ZC4H2: variants seen among roughly 807,000 people sequenced by gnomAD.
The protein encoded by ZC4H2 is zinc finger C4H2 domain-containing protein.
For synonymous variants in ZC4H2, 84 were observed against 66.3 expected (o/e 1.27, Z -1.30); for missense variants, 137 against 173.9 (o/e 0.79, Z 1.19).
chrX:64,966,966 C>T (rs764025315), intron 1 of ZC4H2, among the ~76,000 whole-genome samples: 1 of 111,159 alleles, frequency 9.0e-6, no homozygotes, highest in East Asian at 2.8e-4. Context: ...TCAAATTATC[C>T]TGTAATGACC....
chrX:64,949,294 G>C (rs1233244106), intron 1 of ZC4H2, among the ~76,000 whole-genome samples: 2 of 112,114 alleles, frequency 1.8e-5, no homozygotes, highest in East Asian at 5.6e-4. Context: ...ACAAGAGACA[G>C]ACTGTTTGGA....
At chrX:64,977,033 A>G (rs1233188971), upstream of ZC4H2, among the ~76,000 whole-genome samples, 1 of 111,343 alleles carries the variant, frequency 9.0e-6, no homozygotes, top group African/African-American at 3.3e-5. Flanking sequence ...TCAACAAACA[A>G]TTACTTAAGC....
rs186616862 is a variant in ZC4H2 at position 64,961,561 on chromosome X, G to A, written c.53+14764C>T. ...TATTAACCATGTGATTTATTGGTCAGTTTTGAAGGAAATAATGAAGAGAGA... is the reference window on the plus strand; with the variant it reads ...TATTAACCATGTGATTTATTGGTCAATTTTGAAGGAAATAATGAAGAGAGA... On this transcript the variant is annotated intron_variant, in intron 1 of 4. Transcript: ENST00000374839. Among the ~76,000 whole-genome samples, 803 of 111,087 alleles carry A rather than the reference G, an allele frequency of 7.2e-3. 7 individuals are homozygous for A. The highest frequency in any genetic ancestry group is 0.024 in the African/African-American group (750 of 30,763).
chrX:64,998,370 T>C (rs940837395), intron 1 of ZC4H2, among the ~76,000 whole-genome samples: 8 of 111,875 alleles, frequency 7.2e-5, no homozygotes, highest in African/African-American at 2.6e-4. Flanking sequence ...GTGGCTATAC[T>C]AATGTCAGAC....
At position 64,999,894 on chromosome X, in the gene ZC4H2, C is replaced by T. The variant is rs1249784649; in HGVS notation, c.-272+34735G>A. Among the ~76,000 whole-genome samples the T allele has an allele frequency of 3.6e-5, 4 of 112,338 alleles. No individual in the cohort carries two copies. In the South Asian group the frequency reaches 1.5e-3, roughly 42 times the overall value. On this transcript the variant is annotated intron_variant, in intron 1 of 4. Coordinates refer to the ZC4H2 transcript ENST00000337990. Reference sequence around the variant, plus strand: ...CGTAGCAAGACTGCCCCTCTAGATTCCTCCTCTCTGGGCAGGGCATTTCAG... The same window carrying T: ...CGTAGCAAGACTGCCCCTCTAGATTTCTCCTCTCTGGGCAGGGCATTTCAG...
chrX:64,941,866 T>C (rs1411588303), intron 1 of ZC4H2, among the ~76,000 whole-genome samples: 2 of 112,291 alleles, frequency 1.8e-5, no homozygotes, highest in East Asian at 5.6e-4. Flanking sequence ...TGCTGTTGTG[T>C]CTCTGCCAGG....
upstream of ZC4H2, among the ~76,000 whole-genome samples, chrX:64,979,938 C>T (rs1023867597): frequency 4.5e-5 from 5 of 111,323 alleles, no homozygotes; most frequent in Non-Finnish European, 9.4e-5. Context: ...CAGTCAGTCT[C>T]GATTATACTT....
chrX:64,987,838 C>T (rs1311880116), intron 1 of ZC4H2, among the ~76,000 whole-genome samples: 2 of 104,782 alleles, frequency 1.9e-5, no homozygotes, highest in Admixed American at 2.1e-4. Flanking sequence ...CACCCATTAA[C>T]TCATCATTTA....
At chrX:65,031,452 A>G (rs1417238753) in intron 1 of ZC4H2, among the ~76,000 whole-genome samples, 3 of 111,326 alleles carry the variant, frequency 2.7e-5, no homozygotes, top group Non-Finnish European at 5.7e-5. Flanking sequence ...TACTAGGTGC[A>G]TCTACTGTGC....
intron 1 of ZC4H2, among the ~76,000 whole-genome samples, chrX:64,999,054 T>G (rs1230589902): frequency 5.1e-5 from 5 of 97,483 alleles, no homozygotes; most frequent in Non-Finnish European, 8.2e-5. Flanking sequence ...TTTTTTTTTT[T>G]TTTTTTTTTT....
intron 1 of ZC4H2, among the ~76,000 whole-genome samples, chrX:65,017,464 C>T (rs1220635559): frequency 1.8e-5 from 2 of 112,551 alleles, no homozygotes; most frequent in African/African-American, 3.2e-5. Context: ...TATGAAACCA[C>T]TCTAAGTATT....
rs183371625 is a variant in ZC4H2 at position 64,953,496 on chromosome X, C to T, written c.53+22829G>A. Among the ~76,000 whole-genome samples, 47 of 112,210 alleles carry T rather than the reference C, an allele frequency of 4.2e-4. No individual in the cohort carries two copies. The East Asian group carries it at 0.011, about 27-fold the overall frequency. The stretch of plus-strand genomic sequence containing the variant: ...ACAAGGAAAAAACAAAGAACCCCTT[C>T]AACAAGTGGGTGAAGGATATGAACA... On this transcript the variant is annotated intron_variant, in intron 1 of 4. Coordinates refer to ENST00000374839, the MANE Select transcript of ZC4H2 (RefSeq NM_018684.4).
At chrX:65,028,537 T>A (rs1932903048) in intron 1 of ZC4H2, among the ~76,000 whole-genome samples, 2 of 87,893 alleles carry the variant, frequency 2.3e-5, no homozygotes, top group Admixed American at 2.2e-4. Context: ...CCTTTGGGGA[T>A]TTTTTTTTTT....
intron 1 of ZC4H2, among the ~76,000 whole-genome samples, chrX:65,007,678 G>A (rs947697541): frequency 8.9e-6 from 1 of 111,770 alleles, no homozygotes; most frequent in Non-Finnish European, 1.9e-5. Flanking sequence ...ATGCCTTCTG[G>A]CTTCTTTGTA....
At chrX:65,003,399 A>T (rs1311270302) in intron 1 of ZC4H2, among the ~76,000 whole-genome samples, 1 of 111,891 alleles carries the variant, frequency 8.9e-6, no homozygotes, top group East Asian at 2.8e-4. Flanking sequence ...AACAAATTCA[A>T]AAGCTAGCAT....
In ZC4H2 at chrX:65,034,436, A is replaced by G. The variant is rs778968158; in HGVS notation, c.-272+193T>C. ...TGAAGGATGAATTGGAGGAGCCAAG[A>G]CAAATACGTAGGCAAATAAAATAAA... On this transcript the variant is annotated intron_variant, in intron 1 of 4. Transcript: ENST00000337990. Among the ~76,000 whole-genome samples, 4 of 112,054 alleles carry G rather than the reference A, an allele frequency of 3.6e-5. No homozygotes were observed. In the Admixed American group the frequency reaches 3.8e-4, roughly 11 times the overall value.
chrX:64,949,235 A>G (rs913372168), intron 1 of ZC4H2, among the ~76,000 whole-genome samples: 5 of 111,953 alleles, frequency 4.5e-5, no homozygotes, highest in South Asian at 3.7e-4. Context: ...AAGGACAATA[A>G]AAGATTTTTC....
chrX:64,954,016 T>C (rs915783784), intron 1 of ZC4H2, among the ~76,000 whole-genome samples: 3 of 108,760 alleles, frequency 2.8e-5, no homozygotes, highest in East Asian at 2.9e-4. Flanking sequence ...ATGTCCTTTG[T>C]AGGGACATGG....
intron 1 of ZC4H2, among the ~76,000 whole-genome samples, chrX:64,947,131 G>A (rs1242134292): frequency 8.9e-6 from 1 of 112,066 alleles, no homozygotes; most frequent in Non-Finnish European, 1.9e-5. Context: ...CCAAGCGTGT[G>A]TAGATTTTTC....
Sources: gnomAD v4.1 joint callset for allele counts (sites outside exome capture counted in the v4.1 genomes callset) on GRCh38, gnomAD v4.1.1 for gene constraint, MANE v1.5 for transcripts, NCBI Gene and HGNC (gene_info 2026-07-23, HGNC 2026-07-21) for gene names.